The following MOSPD2 variants were observed in gnomAD, a reference collection of about 807,000 sequenced individuals.
MOSPD2 encodes motile sperm domain-containing protein 2.
In MOSPD2, 5 loss-of-function variants were observed where a neutral mutation model predicts 41.7. The observed-to-expected ratio is 0.12, with a 90% CI of 0.06 to 0.25. The LOEUF (loss-of-function observed/expected upper bound fraction) is 0.25. Among genes scored for constraint, MOSPD2 ranks in the 10% least tolerant of loss-of-function variants. MOSPD2 has a pLI of 1.00. For synonymous variants in MOSPD2, 115 were observed against 126.9 expected (o/e 0.91, Z 0.63); for missense variants, 282 against 375.2 (o/e 0.75, Z 2.05).
intron 2 of MOSPD2, among the ~76,000 whole-genome samples, chrX:14,878,150 TG>T (rs1412026333): frequency 8.9e-6 from 1 of 112,348 alleles, no homozygotes; most frequent in African/African-American, 3.2e-5. Context: ...AGTCCCTTTG[TG>T]GACATTTAGA....
At chrX:14,904,338 C>T (rs545941637) in intron 7 of MOSPD2, among the ~76,000 whole-genome samples, 47 of 111,707 alleles carry the variant, frequency 4.2e-4, no homozygotes, top group Middle Eastern at 9.2e-3. Flanking sequence ...ATGTAATCTA[C>T]CATATTAATA....
intron 4 of MOSPD2, among the ~76,000 whole-genome samples, chrX:14,896,682 G>A (rs2092563721): frequency 1.8e-5 from 2 of 112,602 alleles, no homozygotes; most frequent in Non-Finnish European, 1.9e-5. Context: ...CCACACACAC[G>A]CACGGCACTG....
At chrX:14,911,558 G>A in intron 9 of MOSPD2, 145 bp downstream of exon 9, 4 of 450,161 alleles carry the variant, frequency 8.9e-6, no homozygotes, top group Non-Finnish European at 1.1e-5. Context: ...GGAAGGATGG[G>A]ATTAGCTGAC....
intron 5 of MOSPD2, among the ~76,000 whole-genome samples, chrX:14,899,866 G>A (rs988512627): frequency 5.4e-5 from 6 of 110,580 alleles, no homozygotes; most frequent in Non-Finnish European, 9.5e-5. Context: ...ATGACTCATG[G>A]AAATAACCTT....
intron 2 of MOSPD2, 148 bp from the exon 3 acceptor site, chrX:14,892,575 A>G (rs2092555859): frequency 4.4e-6 from 2 of 451,626 alleles, no homozygotes; most frequent in Non-Finnish European, 7.6e-6. Context: ...AATCTTTTAA[A>G]TGGCGCTTTT....
chrX:14,887,082 G>A (rs1411986411), intron 2 of MOSPD2, among the ~76,000 whole-genome samples: 1 of 112,101 alleles, frequency 8.9e-6, no homozygotes, highest in Non-Finnish European at 1.9e-5. Context: ...TGCCCCAGAA[G>A]GACTTTCAGT....
intron 7 of MOSPD2, among the ~76,000 whole-genome samples, chrX:14,907,485 A>G (rs1023381617): frequency 1.8e-5 from 2 of 112,587 alleles, no homozygotes; most frequent in Non-Finnish European, 3.7e-5. Flanking sequence ...ATGGAAAAGC[A>G]AATATTGCAT....
intron 7 of MOSPD2, among the ~76,000 whole-genome samples, chrX:14,907,682 T>A (rs1481940935): frequency 8.9e-6 from 1 of 111,890 alleles, no homozygotes; most frequent in Non-Finnish European, 1.9e-5. Flanking sequence ...GATTAGTAGT[T>A]GCTAAGGACT....
At chrX:14,893,011 C>A in intron 3 of MOSPD2, 133 bp downstream of exon 3, 1 of 451,825 alleles carries the variant, frequency 2.2e-6, no homozygotes, top group South Asian at 5.6e-5. Flanking sequence ...TTTATAAAGA[C>A]CCAGTAATAT....
intron 7 of MOSPD2, among the ~76,000 whole-genome samples, chrX:14,906,859 G>C: frequency 9.0e-6 from 1 of 110,900 alleles, no homozygotes; most frequent in East Asian, 2.8e-4. Context: ...ACCCCATCTT[G>C]ACTAAAAATA....
intron 2 of MOSPD2, among the ~76,000 whole-genome samples, chrX:14,891,097 G>A (rs186210419): frequency 1.5e-4 from 17 of 112,075 alleles, no homozygotes; most frequent in African/African-American, 4.9e-4. Flanking sequence ...TATGTCTTCC[G>A]TGCTAGTAAC....
At chrX:14,878,547 G>A (rs1257466502) in intron 2 of MOSPD2, among the ~76,000 whole-genome samples, 1 of 111,449 alleles carries the variant, frequency 9.0e-6, no homozygotes, top group African/African-American at 3.3e-5. Context: ...ACTTTTTTCA[G>A]TTTTTGAATA....
intron 2 of MOSPD2, among the ~76,000 whole-genome samples, chrX:14,876,418 C>A (rs1347603628): frequency 8.9e-6 from 1 of 112,230 alleles, no homozygotes; most frequent in Non-Finnish European, 1.9e-5. Flanking sequence ...AAACTGTATT[C>A]CAGAAATGCT....
Position 14,919,889 on chromosome X carries a change from A to T in MOSPD2, c.*80A>T. Reference sequence around the variant, plus strand: ...AACAGACCTAAAACTCTACCAAGCTACTAAAAACATTGCACATCTGTGCTT... The same window carrying T: ...AACAGACCTAAAACTCTACCAAGCTTCTAAAAACATTGCACATCTGTGCTT... On this transcript the variant is annotated 3_prime_UTR_variant, in exon 15 of 15. Coordinates refer to ENST00000380492, the MANE Select transcript of MOSPD2 (RefSeq NM_152581.4). 1 of 1,132,657 alleles carries T rather than the reference A, an allele frequency of 8.8e-7. No individual in the cohort carries two copies. 93.3% of individuals were successfully genotyped at this position (1,132,657 alleles called of 1,213,427 possible).
At chrX:14,882,295 C>G (rs1388933427) in intron 2 of MOSPD2, among the ~76,000 whole-genome samples, 1 of 110,893 alleles carries the variant, frequency 9.0e-6, no homozygotes, top group Non-Finnish European at 1.9e-5. Context: ...TAACATTGAA[C>G]TCACGCAAGT....
intron 6 of MOSPD2, 27 bp downstream of exon 6, chrX:14,900,662 AT>A (rs767305406): frequency 1.5e-4 from 117 of 796,944 alleles, no homozygotes; most frequent in Admixed American, 2.9e-4. Flanking sequence ...TTTATAAAAA[AT>A]ATAACATATT....
At chrX:14,883,175 C>T (rs746146189) in intron 2 of MOSPD2, among the ~76,000 whole-genome samples, 73 of 109,152 alleles carry the variant, frequency 6.7e-4, no homozygotes, top group African/African-American at 2.4e-3. Flanking sequence ...GCCTGGGCAA[C>T]AGAGTGAGAC....
intron 2 of MOSPD2, among the ~76,000 whole-genome samples, chrX:14,877,873 C>T (rs1181287563): frequency 1.8e-4 from 19 of 105,773 alleles, no homozygotes; most frequent in African/African-American, 6.2e-4. Flanking sequence ...CCCAGCTACT[C>T]GGGAGGCTGA....
intron 2 of MOSPD2, among the ~76,000 whole-genome samples, chrX:14,880,142 C>T (rs1486942370): frequency 1.8e-5 from 2 of 110,298 alleles, no homozygotes; most frequent in Non-Finnish European, 3.8e-5. Context: ...ATCCAAGAAC[C>T]TGGTATATAT....
Sources: gnomAD v4.1 joint callset for allele counts (sites outside exome capture counted in the v4.1 genomes callset) on GRCh38, gnomAD v4.1.1 for gene constraint, MANE v1.5 for transcripts, NCBI Gene and HGNC (gene_info 2026-07-23, HGNC 2026-07-21) for gene names.